CDH22: variants seen among roughly 807,000 people sequenced by gnomAD.
The protein encoded by CDH22 is cadherin-22.
CDH22 carries 30 observed loss-of-function variants against 58.4 expected under a neutral mutation model. The observed-to-expected ratio is 0.51, with a 90% CI of 0.38 to 0.70. The LOEUF (loss-of-function observed/expected upper bound fraction) is 0.70, where lower values mean the gene tolerates loss of function less well. Ranked by LOEUF, CDH22 falls within the 30% of genes least tolerant of loss-of-function variation. The pLI, the probability that CDH22 is intolerant of heterozygous loss-of-function variation, is 0.00. For synonymous variants in CDH22, 513 were observed against 558.2 expected (o/e 0.92, Z 1.14); for missense variants, 1,014 against 1,233.9 (o/e 0.82, Z 2.67).
In CDH22 at chr20:46,216,794, G is replaced by T; in HGVS notation, c.838+32C>A. On this transcript the variant is annotated intron_variant, in intron 5 of 11. Coordinates refer to ENST00000537909, the MANE Select transcript of CDH22 (RefSeq NM_021248.3). The surrounding 1 kb of genome is among the most constrained non-coding windows in gnomAD (Gnocchi z 5.3). ...GGATGGGGTAACAGACAGACACACA[G>T]ACGCGCCTTCCTCTGGGAAGGCCTC... 1 of 1,578,716 alleles carries T rather than the reference G, an allele frequency of 6.3e-7. No homozygotes were observed. Among genetic ancestry groups the T allele is most frequent in the Non-Finnish European group, 8.7e-7 (1 of 1,151,642 alleles).
At chr20:46,288,381 C>T (rs887774599) in intron 1 of CDH22, among the ~76,000 whole-genome samples, 7 of 152,100 alleles carry the variant, frequency 4.6e-5, no homozygotes, top group African/African-American at 7.2e-5. Flanking sequence ...TCCAAGTTTT[C>T]GAAGGCCCCA....
At chr20:46,234,256 G>A (rs927311785) in intron 3 of CDH22, among the ~76,000 whole-genome samples, 2 of 152,214 alleles carry the variant, frequency 1.3e-5, no homozygotes, top group African/African-American at 4.8e-5. Context: ...GTGAAGTTTT[G>A]TGCAAGAAAT....
rs573972424 is a variant in CDH22, at chr20:46,200,134, C to T, written c.1287-575G>A. ...GACTACAGGTGCCCGCCACCACGCC[C>T]GGCTAATTTTTTGTATTTTTCAGTA... On this transcript the variant is annotated intron_variant, in intron 7 of 11. Transcript: ENST00000537909. 1.5e-4 allele frequency among the ~76,000 whole-genome samples: 23 copies of T among 152,046 alleles called. No homozygotes were observed. In the East Asian group the frequency reaches 1.9e-3, roughly 13 times the overall value.
intron 1 of CDH22, among the ~76,000 whole-genome samples, chr20:46,306,912 T>C (rs1184471536): frequency 1.3e-5 from 2 of 152,050 alleles, no homozygotes; most frequent in East Asian, 3.9e-4. Context: ...GAGGAGCCTT[T>C]GGGCCCTAGG....
At chr20:46,242,642 C>T (rs2086300099) in intron 2 of CDH22, among the ~76,000 whole-genome samples, 1 of 152,134 alleles carries the variant, frequency 6.6e-6, no homozygotes, top group African/African-American at 2.4e-5. Context: ...CCTTCAGTTG[C>T]TGGATCACAG....
intron 1 of CDH22, among the ~76,000 whole-genome samples, chr20:46,301,220 T>TACACAC (rs894818966): frequency 4.6e-5 from 7 of 151,558 alleles, no homozygotes; most frequent in African/African-American, 1.7e-4. Context: ...CACACACACA[T>TACACAC]ACACACACAC....
intron 4 of CDH22, among the ~76,000 whole-genome samples, chr20:46,225,859 GA>G (rs1471639443): frequency 4.0e-5 from 6 of 151,406 alleles, no homozygotes; most frequent in East Asian, 1.9e-4. Context: ...TTTTTGGGGA[GA>G]AAAAATAATG....
At chr20:46,307,147 G>C (rs545276940) in intron 1 of CDH22, among the ~76,000 whole-genome samples, 2 of 152,342 alleles carry the variant, frequency 1.3e-5, no homozygotes, top group Admixed American at 1.3e-4. Context: ...ACGCCCGAAG[G>C]GTTTGGAGAG....
At position 46,216,750 on chromosome 20, in the gene CDH22, TG is replaced by T. The variant is rs1395536907; in HGVS notation, c.838+75del. On this transcript the variant is annotated intron_variant, in intron 5 of 11. Coordinates refer to ENST00000537909, the MANE Select transcript of CDH22 (RefSeq NM_021248.3). The surrounding 1 kb of genome is among the most constrained non-coding windows in gnomAD (Gnocchi z 5.3). ...TTTGGTGGGAAGTCTAAAGGGAAGC[TG>T]GGGTCAGCAGGTGGCTTGGATGGGG... is the stretch of plus-strand genomic sequence containing the variant. 14 of 1,376,084 alleles carry T rather than the reference TG, an allele frequency of 1.0e-5. No homozygotes were observed. The highest frequency in any genetic ancestry group is 4.1e-6 in the Non-Finnish European group (4 of 983,876). 85.2% of individuals were successfully genotyped at this position (1,376,084 alleles called of 1,614,324 possible). A position where few individuals can be genotyped will look rare whatever the true frequency, so the allele number is the denominator to read the frequency against.
At chr20:46,227,141 T>G (rs1211884702) in intron 4 of CDH22, among the ~76,000 whole-genome samples, 1 of 152,174 alleles carries the variant, frequency 6.6e-6, no homozygotes, top group African/African-American at 2.4e-5. Flanking sequence ...CAAACTACAC[T>G]TGTGACCCCG....
rs1297036107 is a variant in CDH22 at position 46,226,245 on chromosome 20, T to TTCTTCTTCTTCTTCTTCC, written c.670+1262_670+1263insGGAAGAAGAAGAAGAAGA. On this transcript the variant is annotated intron_variant, in intron 4 of 11. Coordinates refer to ENST00000537909, the MANE Select transcript of CDH22 (RefSeq NM_021248.3). ...GTCTGGCAACACCTTCTTCTTCTTCTTCTTCTTCTTCTTCTTCTTCTTCTT... is the reference window on the plus strand; with the variant it reads ...GTCTGGCAACACCTTCTTCTTCTTCTTCTTCTTCTTCTTCTTCCTCTTCTTCTTCTTCTTCTTCTTCTT... Among the ~76,000 whole-genome samples, 64 of 10,292 alleles carry TTCTTCTTCTTCTTCTTCC rather than the reference T, an allele frequency of 6.2e-3. 1 individual carries two copies. The highest frequency in any genetic ancestry group is 0.017 in the South Asian group (7 of 402). The allele number at this position is 10,292 out of a possible 152,430, so 6.8% of individuals were successfully genotyped here.
intron 3 of CDH22, among the ~76,000 whole-genome samples, chr20:46,232,559 C>A (rs2086226926): frequency 6.6e-6 from 1 of 152,240 alleles, no homozygotes; most frequent in Non-Finnish European, 1.5e-5. Context: ...CTCTTCCCTA[C>A]CTCCTTTTGC....
At chr20:46,187,182 G>A (rs1036461940) in intron 8 of CDH22, among the ~76,000 whole-genome samples, 1 of 151,738 alleles carries the variant, frequency 6.6e-6, no homozygotes, top group South Asian at 2.1e-4. Context: ...TCACTACAAC[G>A]CTTGCCACCA....
At chr20:46,254,775 G>A (rs2086398207) in intron 1 of CDH22, among the ~76,000 whole-genome samples, 1 of 152,174 alleles carries the variant, frequency 6.6e-6, no homozygotes, top group Non-Finnish European at 1.5e-5. Flanking sequence ...GCCTCTCAGA[G>A]GAGGTGGCAT....
At chr20:46,202,656 A>G (rs2085970244) in intron 7 of CDH22, among the ~76,000 whole-genome samples, 1 of 152,028 alleles carries the variant, frequency 6.6e-6, no homozygotes, top group Non-Finnish European at 1.5e-5. Flanking sequence ...CCCGGCCGCC[A>G]GAGTTCTTTT....
intron 3 of CDH22, among the ~76,000 whole-genome samples, chr20:46,237,904 C>G (rs1364340082): frequency 6.6e-6 from 1 of 152,180 alleles, no homozygotes; most frequent in Non-Finnish European, 1.5e-5. Flanking sequence ...TATGTAGGTA[C>G]TTTCTTCTCT....
rs1336955077 is a variant in CDH22, at chr20:46,241,200, C to T, written c.313G>A (p.Gly105Ser). 1 of 1,613,786 alleles carries T rather than the reference C, an allele frequency of 6.2e-7. No homozygotes were observed. Residue 105 changes from glycine to serine, a missense_variant, in exon 3 of 12, where the codon GGT becomes AGT. Transcript: ENST00000537909. This position sits in a 1 kb window ranked among gnomAD's most constrained non-coding sequence, Gnocchi z 5.2. ...GAIKYTISGE[G>S]AGTIFLIDEL... ...TCGATCAGGAAGATGGTCCCAGCAC[C>T]CTCGCCTGAGATGGTGTACTTGATG... is the stretch of plus-strand genomic sequence containing the variant.
At chr20:46,204,275 T>C (rs980230851) in intron 7 of CDH22, among the ~76,000 whole-genome samples, 3 of 151,232 alleles carry the variant, frequency 2.0e-5, no homozygotes, top group Non-Finnish European at 4.4e-5. Context: ...GTGCCTGTAA[T>C]CCCAGCTACT....
At chr20:46,180,435 C>T (rs6032706) in intron 10 of CDH22, among the ~76,000 whole-genome samples, 1,711 of 152,284 alleles carry the variant, frequency 0.011, 35 homozygotes, top group African/African-American at 0.04. Flanking sequence ...GCTCTCCCCC[C>T]AAAGGATGCG....
Sources: allele counts gnomAD v4.1 joint callset (sites outside exome capture counted in the v4.1 genomes callset), GRCh38; gene constraint gnomAD v4.1.1; non-coding constraint Gnocchi (gnomAD v3.1); transcripts MANE v1.5; gene names NCBI Gene and HGNC (gene_info 2026-07-23, HGNC 2026-07-21).